The following MYT1L variants were observed in gnomAD, a reference collection of about 807,000 sequenced individuals.
MYT1L encodes the protein myelin transcription factor 1-like protein.
A neutral mutation model predicts 126.7 loss-of-function variants in MYT1L; 12 were observed. That is an observed-to-expected ratio of 0.09 (90% CI 0.06 to 0.15). The LOEUF (loss-of-function observed/expected upper bound fraction) is 0.15, where lower values mean the gene tolerates loss of function less well. Ranked by LOEUF, MYT1L falls within the 10% of genes least tolerant of loss-of-function variation. The pLI, the probability that MYT1L is intolerant of heterozygous loss-of-function variation, is 1.00. For missense variants in MYT1L, 979 were observed against 1,585.2 expected, an observed-to-expected ratio of 0.62 and a Z score of 6.49; for synonymous variants, 541 against 604.2, an observed-to-expected ratio of 0.90 and a Z score of 1.53.
At chr2:2,074,163 T>C (rs2074952880) in intron 3 of MYT1L, among the ~76,000 whole-genome samples, 3 of 152,236 alleles carry the variant, frequency 2.0e-5, no homozygotes, top group African/African-American at 4.8e-5. Flanking sequence ...AACTTTTCTA[T>C]GGGCAGTGAT....
chr2:2,226,172 C>T (rs1034469341), intron 2 of MYT1L, among the ~76,000 whole-genome samples: 2 of 152,154 alleles, frequency 1.3e-5, no homozygotes, highest in African/African-American at 4.8e-5. Flanking sequence ...AGGCTTGCTG[C>T]ACCCCAAAAC....
Position 1,910,375 on chromosome 2 carries a change from G to T in MYT1L, c.1710-28C>A, listed in dbSNP as rs1432738383. 3 of 1,581,046 alleles carry T rather than the reference G, an allele frequency of 1.9e-6. No homozygotes were observed. The highest frequency in any genetic ancestry group is 2.2e-5 in the South Asian group (2 of 90,324). On this transcript the variant is annotated intron_variant, in intron 12 of 24. Transcript: ENST00000647738. This position sits in a 1 kb window ranked among gnomAD's most constrained non-coding sequence, Gnocchi z 4.8. ...GCAATCACAGAAAGCGGGTTGAATG[G>T]TCCCGCCTCAAACACCTTCACAGCA...
At chr2:2,280,428 A>T (rs1482260354) in intron 2 of MYT1L, among the ~76,000 whole-genome samples, 1 of 152,220 alleles carries the variant, frequency 6.6e-6, no homozygotes, top group Non-Finnish European at 1.5e-5. Flanking sequence ...GGAGTGAAAA[A>T]TTTGGAAGAG....
chr2:1,953,005 TTTCC>T (rs1241195186), intron 8 of MYT1L, among the ~76,000 whole-genome samples: 25 of 142,122 alleles, frequency 1.8e-4, no homozygotes, highest in South Asian at 5.1e-4. Context: ...TTTCTTTTCT[TTTCC>T]TTCCTTCCTT....
intron 3 of MYT1L, among the ~76,000 whole-genome samples, chr2:2,167,129 C>T (rs912983953): frequency 3.9e-5 from 6 of 152,110 alleles, no homozygotes; most frequent in African/African-American, 1.4e-4. Flanking sequence ...GTGCTTCTTG[C>T]CAGCCGCTGC....
At chr2:1,877,627 C>T (rs562723502) in intron 18 of MYT1L, among the ~76,000 whole-genome samples, 16 of 152,214 alleles carry the variant, frequency 1.1e-4, no homozygotes, top group East Asian at 7.7e-4. Flanking sequence ...GGGACATGAA[C>T]GGTGAGAGCT....
At chr2:1,862,180 C>T (rs954280627) in intron 18 of MYT1L, among the ~76,000 whole-genome samples, 13 of 152,280 alleles carry the variant, frequency 8.5e-5, no homozygotes, top group Admixed American at 2.6e-4. Context: ...CTTTCTACCA[C>T]GGAATCTGCC....
chr2:1,797,369 G>A (rs537829429), intron 23 of MYT1L, among the ~76,000 whole-genome samples: 13 of 152,256 alleles, frequency 8.5e-5, no homozygotes, highest in South Asian at 2.1e-4. Flanking sequence ...GACTACAGGC[G>A]CCCGCCACCA....
intron 2 of MYT1L, among the ~76,000 whole-genome samples, chr2:2,221,930 C>T (rs2093885307): frequency 6.6e-6 from 1 of 152,176 alleles, no homozygotes; most frequent in Non-Finnish European, 1.5e-5. Flanking sequence ...AGCCGCCTTC[C>T]TGTTTTCCCA....
intron 19 of MYT1L, among the ~76,000 whole-genome samples, chr2:1,843,425 C>T (rs1478434686): frequency 2.0e-5 from 3 of 151,672 alleles, no homozygotes; most frequent in Non-Finnish European, 2.9e-5. Flanking sequence ...AGAGTTACTA[C>T]GGTATCCTAC....
intron 3 of MYT1L, among the ~76,000 whole-genome samples, chr2:2,137,796 G>A (rs766605358): frequency 1.5e-4 from 23 of 151,814 alleles, no homozygotes; most frequent in African/African-American, 4.9e-4. Flanking sequence ...CTTCATGTCT[G>A]AAACACCAAA....
At chr2:2,060,646 G>GCTGTCTCTCTCC (rs2070293805) in intron 3 of MYT1L, among the ~76,000 whole-genome samples, 1 of 150,168 alleles carries the variant, frequency 6.7e-6, no homozygotes, top group Admixed American at 6.6e-5. Flanking sequence ...TTCTTCTCTC[G>GCTGTCTCTCTCC]CTGTCTCTCT....
At chr2:2,067,267 A>T (rs2073998084) in intron 3 of MYT1L, among the ~76,000 whole-genome samples, 1 of 152,230 alleles carries the variant, frequency 6.6e-6, no homozygotes, top group Non-Finnish European at 1.5e-5. Context: ...AAACCTGTCA[A>T]TAGGCCTATG....
At chr2:2,007,340 T>G (rs1194285085) in intron 4 of MYT1L, among the ~76,000 whole-genome samples, 1 of 152,216 alleles carries the variant, frequency 6.6e-6, no homozygotes, top group Non-Finnish European at 1.5e-5. Flanking sequence ...TCTCTTGATT[T>G]TTGGATAATA....
intron 8 of MYT1L, among the ~76,000 whole-genome samples, chr2:1,956,730 C>A (rs1191897443): frequency 6.6e-6 from 1 of 151,658 alleles, no homozygotes; most frequent in East Asian, 1.9e-4. Context: ...GACAAGTTGA[C>A]AAGAGATATA....
intron 2 of MYT1L, among the ~76,000 whole-genome samples, chr2:2,268,436 A>G (rs554588803): frequency 6.6e-6 from 1 of 152,320 alleles, no homozygotes; most frequent in South Asian, 2.1e-4. Context: ...ATTTTATTTT[A>G]AGGTCAGTTT....
intron 3 of MYT1L, among the ~76,000 whole-genome samples, chr2:2,099,998 C>A (rs1447347769): frequency 6.6e-6 from 1 of 152,222 alleles, no homozygotes; most frequent in African/African-American, 2.4e-5. Context: ...TCCATCCTCA[C>A]CCTGTCCATC....
At chr2:2,016,281 G>A (rs1163227890) in intron 4 of MYT1L, among the ~76,000 whole-genome samples, 3 of 152,196 alleles carry the variant, frequency 2.0e-5, no homozygotes, top group Admixed American at 6.5e-5. Flanking sequence ...TCAGACACCA[G>A]AACACAGAGC....
At chr2:2,268,753 G>A (rs1338898051) in intron 2 of MYT1L, among the ~76,000 whole-genome samples, 5 of 152,144 alleles carry the variant, frequency 3.3e-5, no homozygotes, top group Non-Finnish European at 7.4e-5. Context: ...TTAACCCTGA[G>A]CTGCCTTCCG....
Sources: allele counts gnomAD v4.1 joint callset (sites outside exome capture counted in the v4.1 genomes callset), GRCh38; gene constraint gnomAD v4.1.1; non-coding constraint Gnocchi (gnomAD v3.1); transcripts MANE v1.5; gene names NCBI Gene and HGNC (gene_info 2026-07-23, HGNC 2026-07-21).